ARHGAP42: variants seen among roughly 807,000 people sequenced by gnomAD.
ARHGAP42 encodes the protein Rho GTPase activating protein 42, also known as rho GTPase-activating protein 42.
A neutral mutation model predicts 125.0 loss-of-function variants in ARHGAP42; 63 were observed. The ratio of observed to expected loss-of-function variants is 0.50; its 90% CI spans 0.41 to 0.62. The LOEUF (loss-of-function observed/expected upper bound fraction) is 0.62. ARHGAP42 is among the 20% of genes least tolerant of loss of function. ARHGAP42 has a pLI of 0.00. For synonymous variants in ARHGAP42, 339 were observed against 351.0 expected (o/e 0.97, Z 0.38); for missense variants, 766 against 1,024.2 (o/e 0.75, Z 3.44).
At chr11:100,698,136 C>T (rs1033258306) in intron 1 of ARHGAP42, among the ~76,000 whole-genome samples, 1 of 152,148 alleles carries the variant, frequency 6.6e-6, no homozygotes, top group African/African-American at 2.4e-5. Flanking sequence ...AGCCATCCTC[C>T]CACCTCAGCC....
At chr11:100,798,115 A>C (rs1218704579) in intron 3 of ARHGAP42, among the ~76,000 whole-genome samples, 2 of 152,222 alleles carry the variant, frequency 1.3e-5, no homozygotes, top group Admixed American at 1.3e-4. Flanking sequence ...ATTGCTTCCT[A>C]TGGATAAGCA....
chr11:100,751,256 T>TGTA (rs59806552), intron 1 of ARHGAP42, among the ~76,000 whole-genome samples: 2 of 145,620 alleles, frequency 1.4e-5, no homozygotes, highest in Non-Finnish European at 3.0e-5. Context: ...TGTATGTGTG[T>TGTA]TATATATATA....
chr11:100,840,349 T>G (rs1449213106), intron 3 of ARHGAP42, among the ~76,000 whole-genome samples: 2 of 152,140 alleles, frequency 1.3e-5, no homozygotes, highest in Non-Finnish European at 2.9e-5. Flanking sequence ...TTGGAAATGT[T>G]CCTCTGTCCC....
At chr11:100,734,283 A>C (rs938340308) in intron 1 of ARHGAP42, among the ~76,000 whole-genome samples, 3 of 146,392 alleles carry the variant, frequency 2.0e-5, no homozygotes, top group Non-Finnish European at 4.5e-5. Flanking sequence ...CCTTTTTTAA[A>C]ATTTTTATTT....
rs143942254 is a variant in ARHGAP42 at position 100,947,647 on chromosome 11, A to G, written c.1044-810A>G. On this transcript the variant is annotated intron_variant, in intron 10 of 23. Transcript: ENST00000298815. ...TTCTCCAACATCAGATTATCTTGAT[A>G]TATATTCAAGATTCTCATGATCTGT... 1.7e-3 allele frequency among the ~76,000 whole-genome samples: 251 copies of G among 152,036 alleles called. 1 individual carries two copies. The highest frequency in any genetic ancestry group is 1.8e-3 in the Non-Finnish European group (119 of 67,884).
chr11:100,913,161 C>T (rs1866970420), intron 4 of ARHGAP42, among the ~76,000 whole-genome samples: 1 of 152,062 alleles, frequency 6.6e-6, no homozygotes, highest in South Asian at 2.1e-4. Flanking sequence ...GCCAGCCTGG[C>T]CCCTACCCAT....
intron 1 of ARHGAP42, among the ~76,000 whole-genome samples, chr11:100,712,383 G>A (rs1203333936): frequency 6.6e-6 from 1 of 152,088 alleles, no homozygotes; most frequent in Non-Finnish European, 1.5e-5. Context: ...TAAGAGAAAA[G>A]CGAAGTACAG....
intron 3 of ARHGAP42, among the ~76,000 whole-genome samples, chr11:100,797,929 T>A (rs1863760299): frequency 6.6e-6 from 1 of 152,166 alleles, no homozygotes. Flanking sequence ...AAATATCAAC[T>A]GAAGTTTGGA....
At chr11:100,908,277 T>G (rs542424601) in intron 4 of ARHGAP42, among the ~76,000 whole-genome samples, 84 of 152,340 alleles carry the variant, frequency 5.5e-4, no homozygotes, top group African/African-American at 1.9e-3. Context: ...TTGCTTGTCA[T>G]CAGTGGAAGA....
At chr11:100,911,440 T>C (rs928181540) in intron 4 of ARHGAP42, among the ~76,000 whole-genome samples, 1 of 152,138 alleles carries the variant, frequency 6.6e-6, no homozygotes, top group Admixed American at 6.5e-5. Flanking sequence ...AAGGGAATTA[T>C]GAATGGCATT....
intron 16 of ARHGAP42, among the ~76,000 whole-genome samples, chr11:100,965,156 A>G (rs538518580): frequency 2.6e-5 from 4 of 152,196 alleles, no homozygotes; most frequent in South Asian, 2.1e-4. Context: ...GCATAGGGTA[A>G]CCGCCCAATG....
intron 3 of ARHGAP42, among the ~76,000 whole-genome samples, chr11:100,857,982 C>T (rs1053552635): frequency 1.3e-5 from 2 of 151,986 alleles, no homozygotes; most frequent in Admixed American, 6.6e-5. Flanking sequence ...GTTGCTATTA[C>T]TCCAAGTTAC....
intron 11 of ARHGAP42, 91 bp downstream of exon 11, chr11:100,948,626 C>A: frequency 1.0e-6 from 1 of 999,132 alleles, no homozygotes; most frequent in Non-Finnish European, 1.4e-6. Context: ...AATGTTTTGC[C>A]TGTAGTATAA....
At chr11:100,754,751 C>T (rs1862534069) in intron 1 of ARHGAP42, among the ~76,000 whole-genome samples, 1 of 152,168 alleles carries the variant, frequency 6.6e-6, no homozygotes, top group East Asian at 1.9e-4. Context: ...AAACTCCTAC[C>T]CCTCTTGCCC....
intron 1 of ARHGAP42, among the ~76,000 whole-genome samples, chr11:100,738,847 C>T (rs1053638895): frequency 6.6e-5 from 10 of 152,106 alleles, no homozygotes; most frequent in African/African-American, 2.4e-4. Context: ...CAAACTGTGC[C>T]CGTTGCATTC....
intron 1 of ARHGAP42, among the ~76,000 whole-genome samples, chr11:100,722,745 A>G (rs1237206214): frequency 6.6e-6 from 1 of 152,192 alleles, no homozygotes; most frequent in Non-Finnish European, 1.5e-5. Flanking sequence ...CTTCCAGTCT[A>G]CAGCTTTTTA....
At chr11:100,765,978 T>C (rs779946149) in intron 1 of ARHGAP42, among the ~76,000 whole-genome samples, 1 of 152,236 alleles carries the variant, frequency 6.6e-6, no homozygotes, top group Non-Finnish European at 1.5e-5. Context: ...TTCTTAAGTC[T>C]ATGTGCAAGA....
chr11:100,823,444 T>C (rs1864447010), intron 3 of ARHGAP42, among the ~76,000 whole-genome samples: 5 of 152,154 alleles, frequency 3.3e-5, no homozygotes, highest in Admixed American at 3.3e-4. Context: ...AGAAATCATG[T>C]GACATAGATT....
intron 1 of ARHGAP42, among the ~76,000 whole-genome samples, chr11:100,711,172 T>C (rs17095348): frequency 0.017 from 2,654 of 152,310 alleles, 63 homozygotes; most frequent in African/African-American, 0.06. Context: ...TATGGGACTG[T>C]TGTATATTTG....
Sources: allele counts gnomAD v4.1 joint callset (sites outside exome capture counted in the v4.1 genomes callset), GRCh38; gene constraint gnomAD v4.1.1; transcripts MANE v1.5; gene names NCBI Gene and HGNC (gene_info 2026-07-23, HGNC 2026-07-21).